The following DDR2 variants were observed in gnomAD, a reference collection of about 807,000 sequenced individuals.
DDR2 encodes discoidin domain receptor tyrosine kinase 2, also known as discoidin domain-containing receptor 2.
DDR2 carries 27 observed loss-of-function variants against 94.9 expected under a neutral mutation model. The ratio of observed to expected loss-of-function variants is 0.28; its 90% CI spans 0.21 to 0.39. The LOEUF is 0.39. DDR2 is among the 10% of genes least tolerant of loss of function. DDR2 has a pLI of 1.00. For missense variants in DDR2, 783 were observed against 1,076.0 expected, an observed-to-expected ratio of 0.73 and a Z score of 3.81; for synonymous variants, 382 against 377.2, an observed-to-expected ratio of 1.01 and a Z score of -0.15.
intron 2 of DDR2, among the ~76,000 whole-genome samples, chr1:162,690,727 T>C (rs1307899510): frequency 1.3e-5 from 2 of 152,196 alleles, no homozygotes; most frequent in Non-Finnish European, 2.9e-5. Context: ...TAAAAATAAA[T>C]TAAAGCAATT....
chr1:162,639,861 C>T (rs1350406586), intron 1 of DDR2, among the ~76,000 whole-genome samples: 4 of 152,052 alleles, frequency 2.6e-5, no homozygotes, highest in Non-Finnish European at 4.4e-5. Flanking sequence ...AAAAACTATT[C>T]GTAGTTGCCA....
intron 3 of DDR2, among the ~76,000 whole-genome samples, chr1:162,752,649 A>G (rs968255573): frequency 6.6e-6 from 1 of 152,154 alleles, no homozygotes; most frequent in Admixed American, 6.5e-5. Context: ...TAGTTTCTTT[A>G]TAGTTTTTAT....
At chr1:162,644,117 T>G (rs1174150731) in intron 1 of DDR2, among the ~76,000 whole-genome samples, 1 of 152,216 alleles carries the variant, frequency 6.6e-6, no homozygotes, top group Non-Finnish European at 1.5e-5. Context: ...ATATTTGGTT[T>G]CCAAAAATGT....
intron 12 of DDR2, among the ~76,000 whole-genome samples, chr1:162,771,191 A>G (rs959786212): frequency 1.3e-5 from 2 of 152,232 alleles, no homozygotes; most frequent in Non-Finnish European, 2.9e-5. Flanking sequence ...ATGCAGAGTC[A>G]TATCAGAAGG....
At chr1:162,652,570 A>G (rs2101904701) in intron 1 of DDR2, among the ~76,000 whole-genome samples, 1 of 152,332 alleles carries the variant, frequency 6.6e-6, no homozygotes, top group East Asian at 1.9e-4. Flanking sequence ...TCCAGCACAT[A>G]CGATCAGCCC....
chr1:162,697,774 G>T (rs1452123822), intron 2 of DDR2, among the ~76,000 whole-genome samples: 1 of 152,136 alleles, frequency 6.6e-6, no homozygotes, highest in Non-Finnish European at 1.5e-5. Context: ...TCTTGGAAAG[G>T]ATCCTATTTT....
chr1:162,730,810 C>G (rs1280376325), intron 3 of DDR2, among the ~76,000 whole-genome samples: 1 of 152,166 alleles, frequency 6.6e-6, no homozygotes, highest in Non-Finnish European at 1.5e-5. Flanking sequence ...CTTACATTCC[C>G]CCTCCACACA....
chr1:162,685,341 C>T (rs1659634201), intron 2 of DDR2, among the ~76,000 whole-genome samples: 1 of 152,062 alleles, frequency 6.6e-6, no homozygotes, highest in African/African-American at 2.4e-5. Context: ...AAATACTATA[C>T]CATATATTTT....
At chr1:162,655,837 T>G (rs1657930178) in intron 2 of DDR2, among the ~76,000 whole-genome samples, 1 of 152,158 alleles carries the variant, frequency 6.6e-6, no homozygotes, top group South Asian at 2.1e-4. Flanking sequence ...TTGAGGTGAT[T>G]TAGAGTAAAA....
intron 11 of DDR2, 89 bp downstream of exon 11, chr1:162,767,448 A>G: frequency 6.5e-7 from 1 of 1,544,626 alleles, no homozygotes; most frequent in Non-Finnish European, 8.8e-7. Flanking sequence ...GCAAATTGCA[A>G]ACATTTATTA....
upstream of DDR2, chr1:162,632,192 G>C (rs2101874264): frequency 6.6e-6 from 1 of 152,154 alleles, no homozygotes; most frequent in Middle Eastern, 3.4e-3. Context: ...GATGGATATG[G>C]GTGGGAATAA....
intron 3 of DDR2, among the ~76,000 whole-genome samples, chr1:162,749,088 T>A (rs1663042218): frequency 6.6e-6 from 1 of 151,956 alleles, no homozygotes. Flanking sequence ...ACATCACAAT[T>A]AAAAGAACTA....
chr1:162,686,070 A>G (rs1659669964), intron 2 of DDR2, among the ~76,000 whole-genome samples: 1 of 152,126 alleles, frequency 6.6e-6, no homozygotes, highest in African/African-American at 2.4e-5. Context: ...ATAGATATTT[A>G]TCATTCTTGC....
chr1:162,741,197 T>C (rs1000837513), intron 3 of DDR2, among the ~76,000 whole-genome samples: 54 of 63,972 alleles, frequency 8.4e-4, no homozygotes, highest in East Asian at 1.7e-3. Flanking sequence ...CATAACATAA[T>C]ACAATACAAT....
chr1:162,712,902 C>T (rs1259309398), intron 2 of DDR2, among the ~76,000 whole-genome samples: 1 of 152,116 alleles, frequency 6.6e-6, no homozygotes, highest in Non-Finnish European at 1.5e-5. Flanking sequence ...ATGCAAGATC[C>T]TTGACCTTCA....
chr1:162,680,826 C>A (rs921284199), intron 2 of DDR2, among the ~76,000 whole-genome samples: 1 of 152,178 alleles, frequency 6.6e-6, no homozygotes, highest in Non-Finnish European at 1.5e-5. Flanking sequence ...ACATTCCAGT[C>A]TTCTTCTATA....
At chr1:162,748,576 G>A (rs1407076843) in intron 3 of DDR2, among the ~76,000 whole-genome samples, 2 of 152,180 alleles carry the variant, frequency 1.3e-5, no homozygotes, top group Non-Finnish European at 2.9e-5. Flanking sequence ...ACACCCCACT[G>A]TCAACATTAG....
At chr1:162,732,850 C>G (rs983540410) in intron 3 of DDR2, among the ~76,000 whole-genome samples, 21 of 152,372 alleles carry the variant, frequency 1.4e-4, no homozygotes, top group African/African-American at 5.1e-4. Flanking sequence ...CTTTCAGGCT[C>G]TCAGCCTTGG....
rs1663405241 is a variant in DDR2, at chr1:162,755,277, T to C, written c.539T>C (p.Val180Ala). ...CACTCCATGAATGTGTGTATGAGAG[T>C]GGAGCTTTACGGCTGTGTCTGGCTA... Reference protein sequence around the residue: ...TDHSMNVCMRVELYGCVWLDG... With the variant: ...TDHSMNVCMRAELYGCVWLDG... The change falls in exon 6 of 18, where the codon GTG becomes GCG. Residue 180 changes from valine (V) to alanine (A), a missense_variant. Physicochemically the swap from Val to Ala is moderately conservative, Grantham distance 64 (BLOSUM62 0). This residue lies in a region of DDR2 where 519 missense variants were observed against 647.9 expected (regional missense o/e 0.80). Transcript: ENST00000367921. The C allele has an allele frequency of 6.2e-7, 1 of 1,613,758 alleles. No individual in the cohort carries two copies. The highest frequency in any genetic ancestry group is 1.3e-5 in the African/African-American group (1 of 74,946).
Sources: gnomAD v4.1 joint callset for allele counts (sites outside exome capture counted in the v4.1 genomes callset) on GRCh38, gnomAD v4.1.1 for gene constraint, gnomAD v4.1.1 regional missense constraint, MANE v1.5 for transcripts, NCBI Gene and HGNC (gene_info 2026-07-23, HGNC 2026-07-21) for gene names.